PLCD4: variants seen among roughly 807,000 people sequenced by gnomAD.
PLCD4 encodes 1-phosphatidylinositol 4,5-bisphosphate phosphodiesterase delta-4.
PLCD4 carries 63 observed loss-of-function variants against 90.2 expected under a neutral mutation model. That is an observed-to-expected ratio of 0.70 (90% CI 0.57 to 0.86). PLCD4 has a LOEUF of 0.86. PLCD4 is among the 40% of genes least tolerant of loss of function. PLCD4 has a pLI of 0.00. For missense variants in PLCD4, 830 were observed against 956.3 expected (o/e 0.87, Z 1.74); for synonymous variants, 294 against 356.5 (o/e 0.82, Z 1.97).
intron 6 of PLCD4, among the ~76,000 whole-genome samples, chr2:218,626,181 C>G (rs1050704254): frequency 2.0e-5 from 3 of 151,746 alleles, no homozygotes; most frequent in African/African-American, 7.3e-5. Flanking sequence ...ATTGCTTGAG[C>G]CTGGAGGGCA....
intron 3 of PLCD4, among the ~76,000 whole-genome samples, chr2:218,617,469 C>T (rs373255021): frequency 6.6e-5 from 10 of 151,116 alleles, no homozygotes; most frequent in Admixed American, 1.3e-4. Flanking sequence ...CCCAGCTACT[C>T]GGAAGGCTGA....
intron 7 of PLCD4, chr2:218,628,540 A>C (rs1575031983): frequency 3.8e-6 from 1 of 265,110 alleles, no homozygotes; most frequent in East Asian, 7.3e-5. Flanking sequence ...ATAGGAGTTA[A>C]AAATATAGGT....
At position 218,632,241 on chromosome 2, in the gene PLCD4, G is replaced by A; in HGVS notation, c.1378G>A (p.Ala460Thr). The A allele has an allele frequency of 6.2e-7, 1 of 1,611,578 alleles. No homozygotes were observed. Among genetic ancestry groups the A allele is most frequent in the African/African-American group, 1.3e-5 (1 of 75,024 alleles). The change falls in exon 10 of 16, where the codon GCG (alanine) becomes ACG (threonine). Residue 460 changes from alanine to threonine, a missense_variant. Physicochemically the swap from Ala to Thr is moderately conservative, Grantham distance 58 (BLOSUM62 0). Transcript: ENST00000450993. ...AEPELEESEL[A>T]LESQFETEPE... ...ACCTGAGTTGGAAGAGTCAGAATTG[G>A]CGCTGGAGTCCCAGTTTGAGACTGA...
In PLCD4 at chr2:218,636,567, A is replaced by G. The variant is rs757417571; in HGVS notation, c.2279A>G (p.Asp760Gly). The G allele has an allele frequency of 6.2e-7, 1 of 1,613,832 alleles. No homozygotes were observed. The highest frequency in any genetic ancestry group is 1.1e-5 in the South Asian group (1 of 91,070). Residue 760 changes from aspartate (D) to glycine (G), a missense_variant, in exon 16 of 16, where the codon GAT (aspartate) becomes GGT (glycine). Transcript: ENST00000450993. ...YICIQEGLEG[D>G]ES ...TGCATCCAGGAAGGCCTGGAGGGGG[A>G]TGAGTCCTGAGGTGGGCATTTCACG...
intron 4 of PLCD4, among the ~76,000 whole-genome samples, chr2:218,619,812 T>G (rs1332296767): frequency 6.6e-6 from 1 of 152,174 alleles, no homozygotes; most frequent in Non-Finnish European, 1.5e-5. Flanking sequence ...AGACTACACT[T>G]TCAGGGATAA....
chr2:218,630,180 AAAAAC>A (rs1326450701), intron 8 of PLCD4, among the ~76,000 whole-genome samples: 13 of 152,232 alleles, frequency 8.5e-5, no homozygotes, highest in Non-Finnish European at 1.0e-4. Context: ...CTCCATCTCA[AAAAAC>A]AAAACAAAAC....
chr2:218,633,265 A>C, intron 10 of PLCD4: 1 of 628,124 alleles, frequency 1.6e-6, no homozygotes, highest in Non-Finnish European at 2.8e-6. Context: ...CTCTGTTTAA[A>C]TATAATAATA....
In PLCD4 at chr2:218,629,670, G is replaced by A. The variant is rs975784683; in HGVS notation, c.1119+7G>A. Reference sequence around the variant, plus strand: ...AGCACAGTATGCCTTCCAGGTAGTAGCCCCAGGATGGGGACACTGGTGAGG... The same window carrying A: ...AGCACAGTATGCCTTCCAGGTAGTAACCCCAGGATGGGGACACTGGTGAGG... On this transcript the variant is annotated splice_region_variant and intron_variant, in intron 8 of 15. Coordinates refer to ENST00000450993, the MANE Select transcript of PLCD4 (RefSeq NM_032726.4). The A allele has an allele frequency of 6.2e-7, 1 of 1,611,108 alleles. No individual in the cohort carries two copies. The highest frequency in any genetic ancestry group is 1.3e-5 in the African/African-American group (1 of 74,958).
intron 8 of PLCD4, 119 bp from the exon 9 acceptor site, chr2:218,630,531 T>A: frequency 8.5e-7 from 1 of 1,177,262 alleles, no homozygotes; most frequent in Non-Finnish European, 1.2e-6. Flanking sequence ...TGGAAGAGTT[T>A]AGTGATCAGG....
At chr2:218,631,134 A>G (rs1220925399) in intron 9 of PLCD4, among the ~76,000 whole-genome samples, 1 of 152,078 alleles carries the variant, frequency 6.6e-6, no homozygotes, top group Admixed American at 6.6e-5. Context: ...TCATAATCCC[A>G]ACCTCTCCCA....
At chr2:218,608,657 G>C (rs907268911) in intron 1 of PLCD4, among the ~76,000 whole-genome samples, 2 of 152,266 alleles carry the variant, frequency 1.3e-5, no homozygotes, top group Non-Finnish European at 2.9e-5. Flanking sequence ...CCAGATCTGT[G>C]ATACGAGAGA....
rs746987764 is a variant in PLCD4 at position 218,618,561 on chromosome 2, C to G, written c.182-18C>G. On this transcript the variant is annotated intron_variant, in intron 3 of 15. Coordinates refer to ENST00000450993, the MANE Select transcript of PLCD4 (RefSeq NM_032726.4). ...GGAATCCCTTCCTTAATGCCTCCACCTGTTTCTTCTCTGGCAGTCTCAATC... is the reference window on the plus strand; with the variant it reads ...GGAATCCCTTCCTTAATGCCTCCACGTGTTTCTTCTCTGGCAGTCTCAATC... 6.2e-7 allele frequency: 1 copy of G among 1,608,766 alleles called. No homozygotes were observed. The highest frequency in any genetic ancestry group is 1.7e-5 in the Admixed American group (1 of 59,976).
chr2:218,630,618 C>G, intron 8 of PLCD4, 32 bp from the exon 9 acceptor site: 1 of 1,613,838 alleles, frequency 6.2e-7, no homozygotes, highest in Non-Finnish European at 8.5e-7. Context: ...TTTTAGAACT[C>G]TGAATCCATT....
rs370612736 is a variant in PLCD4, at chr2:218,633,703, C to A, written c.1548C>A (p.His516Gln). 1.2e-6 allele frequency: 2 copies of A among 1,614,004 alleles called. No homozygotes were observed. Among genetic ancestry groups the A allele is most frequent in the Admixed American group, 3.3e-5 (2 of 60,016 alleles). The change falls in exon 11 of 16, where the codon CAC (histidine) becomes CAA (glutamine). Residue 516 changes from histidine (H) to glutamine (Q), a missense_variant. Physicochemically the swap from His to Gln is conservative, Grantham distance 24 (BLOSUM62 0). Coordinates refer to ENST00000450993, the MANE Select transcript of PLCD4 (RefSeq NM_032726.4). ...TCACACATTCAAAGGAGCACTACCA[C>A]TTCTACGAGATATCATCTTTCTCTG... ...RSFTHSKEHY[H>Q]FYEISSFSET...
intron 7 of PLCD4, chr2:218,629,305 C>T (rs915668127): frequency 1.1e-5 from 6 of 526,054 alleles, no homozygotes; most frequent in African/African-American, 7.5e-5. Context: ...TATGGAAGGA[C>T]TGTGAGTCGG....
chr2:218,608,295 T>C (rs1695180021), intron 1 of PLCD4, among the ~76,000 whole-genome samples: 1 of 152,154 alleles, frequency 6.6e-6, no homozygotes, highest in Non-Finnish European at 1.5e-5. Flanking sequence ...TTATATGAGG[T>C]ACCTCTTAGC....
At chr2:218,613,071 C>T (rs1017337520) in intron 1 of PLCD4, among the ~76,000 whole-genome samples, 4 of 152,146 alleles carry the variant, frequency 2.6e-5, no homozygotes, top group African/African-American at 9.7e-5. Flanking sequence ...AAGATGTGCA[C>T]CACTGTCAAA....
At chr2:218,615,383 C>T (rs1199514110) in intron 1 of PLCD4, among the ~76,000 whole-genome samples, 2 of 152,064 alleles carry the variant, frequency 1.3e-5, no homozygotes, top group East Asian at 3.9e-4. Context: ...CTGAAAGGGA[C>T]ATCCAGCAAG....
At chr2:218,627,029 GGATCAC>G (rs1000653825) in intron 6 of PLCD4, among the ~76,000 whole-genome samples, 2 of 151,966 alleles carry the variant, frequency 1.3e-5, no homozygotes, top group African/African-American at 4.8e-5. Flanking sequence ...CAAGGCAGGC[GGATCAC>G]GAGGTCAGGA....
Sources: gnomAD v4.1 joint callset for allele counts (sites outside exome capture counted in the v4.1 genomes callset) on GRCh38, gnomAD v4.1.1 for gene constraint, MANE v1.5 for transcripts, NCBI Gene and HGNC (gene_info 2026-07-23, HGNC 2026-07-21) for gene names.